The following EML5 variants were observed in gnomAD, a reference collection of about 807,000 sequenced individuals.
The protein encoded by EML5 is EMAP like 5, also known as echinoderm microtubule-associated protein-like 5.
In EML5, 120 loss-of-function variants were observed where a neutral mutation model predicts 250.0. That is an observed-to-expected ratio of 0.48 (90% CI 0.41 to 0.56). EML5 has a LOEUF of 0.56. EML5 is among the 20% of genes least tolerant of loss of function. The pLI is 0.00. For missense variants in EML5, 2,006 were observed against 2,437.6 expected (o/e 0.82, Z 3.73); for synonymous variants, 771 against 806.5 (o/e 0.96, Z 0.75).
intron 27 of EML5, among the ~76,000 whole-genome samples, chr14:88,654,856 T>A (rs1035560281): frequency 2.0e-5 from 3 of 152,100 alleles, no homozygotes; most frequent in Non-Finnish European, 4.4e-5. Flanking sequence ...GTCTCGTTGA[T>A]CTAATATTGA....
intron 27 of EML5, among the ~76,000 whole-genome samples, chr14:88,650,865 C>G (rs1371502343): frequency 6.6e-6 from 1 of 152,116 alleles, no homozygotes. Context: ...TGGTGCTAAA[C>G]ACCTAGTCTC....
chr14:88,695,587 A>C, intron 15 of EML5, 133 bp from the exon 16 acceptor site: 1 of 812,188 alleles, frequency 1.2e-6, no homozygotes, highest in Non-Finnish European at 1.9e-6. Flanking sequence ...GCATGCATAC[A>C]CCTATAAAAA....
At chr14:88,687,734 T>A (rs1325551497) in intron 18 of EML5, among the ~76,000 whole-genome samples, 1 of 151,328 alleles carries the variant, frequency 6.6e-6, no homozygotes, top group Non-Finnish European at 1.5e-5. Flanking sequence ...AGTATGAGCT[T>A]AAGAACATGA....
intron 10 of EML5, among the ~76,000 whole-genome samples, chr14:88,707,615 AG>A (rs1336097798): frequency 6.6e-6 from 1 of 152,158 alleles, no homozygotes; most frequent in Non-Finnish European, 1.5e-5. Flanking sequence ...GAAATTCTGG[AG>A]AAAAACTTTC....
At chr14:88,672,477 A>T (rs2092489148) in intron 21 of EML5, among the ~76,000 whole-genome samples, 1 of 152,172 alleles carries the variant, frequency 6.6e-6, no homozygotes, top group Non-Finnish European at 1.5e-5. Context: ...CTAATATCAC[A>T]ACTAAAAGAA....
At chr14:88,635,114 C>T (rs1271962272) in intron 32 of EML5, among the ~76,000 whole-genome samples, 1 of 151,970 alleles carries the variant, frequency 6.6e-6, no homozygotes, top group Non-Finnish European at 1.5e-5. Context: ...GGTAGAAATA[C>T]CTAATAACCA....
chr14:88,618,860 T>C, intron 39 of EML5, 48 bp from the exon 40 acceptor site: 1 of 1,496,376 alleles, frequency 6.7e-7, no homozygotes, highest in South Asian at 1.3e-5. Context: ...TGAAGTATTA[T>C]AAATACTTAA....
chr14:88,646,873 C>T, intron 29 of EML5, 74 bp downstream of exon 29: 1 of 1,461,840 alleles, frequency 6.8e-7, no homozygotes, highest in Non-Finnish European at 9.2e-7. Context: ...GTAACAGTAT[C>T]CCATTAATGC....
At chr14:88,696,755 A>G in intron 15 of EML5, 92 bp downstream of exon 15, 1 of 761,450 alleles carries the variant, frequency 1.3e-6, no homozygotes, top group South Asian at 2.6e-5. Flanking sequence ...TCACAGCTAA[A>G]TGACAAGCTT....
intron 1 of EML5, among the ~76,000 whole-genome samples, chr14:88,760,343 G>GTTGT (rs61035833): frequency 0.58 from 88,083 of 151,240 alleles, 26,415 homozygotes; most frequent in East Asian, 0.87. Context: ...GTAGGTTATA[G>GTTGT]TTGTTTGTTT....
At chr14:88,761,040 G>GT (rs1167479520) in intron 1 of EML5, among the ~76,000 whole-genome samples, 2 of 152,006 alleles carry the variant, frequency 1.3e-5, no homozygotes, top group African/African-American at 2.4e-5. Flanking sequence ...TAGGAGTAGT[G>GT]TTTTTTGTGT....
At chr14:88,684,018 T>G (rs1296870851) in intron 20 of EML5, among the ~76,000 whole-genome samples, 1 of 151,950 alleles carries the variant, frequency 6.6e-6, no homozygotes, top group African/African-American at 2.4e-5. Context: ...GAAGTAAAAC[T>G]ATGTGTATTT....
chr14:88,675,240 T>C (rs2092566788), intron 21 of EML5, among the ~76,000 whole-genome samples: 1 of 152,236 alleles, frequency 6.6e-6, no homozygotes. Context: ...TGCACTGCCC[T>C]AGCAGAGGTT....
Position 88,612,765 on chromosome 14 carries a change from G to A in EML5, c.*3053C>T, listed in dbSNP as rs2086973216. On this transcript the variant is annotated 3_prime_UTR_variant, in exon 44 of 44. Coordinates refer to ENST00000554922, the MANE Select transcript of EML5 (RefSeq NM_183387.3). ...CAAGATAGATAGGATGAAACTTTTGGCCTACTGTATTACTTACAGAGTTTT... is the reference window on the plus strand; with the variant it reads ...CAAGATAGATAGGATGAAACTTTTGACCTACTGTATTACTTACAGAGTTTT... The A allele has an allele frequency of 6.6e-6, 1 of 152,460 alleles. No homozygotes were observed. 9.4% of individuals were successfully genotyped at this position (152,460 alleles called of 1,614,324 possible). A position where few individuals can be genotyped will look rare whatever the true frequency, so the allele number is the denominator to read the frequency against.
chr14:88,628,026 G>C (rs2140431132), intron 33 of EML5: 1 of 619,266 alleles, frequency 1.6e-6, no homozygotes, highest in South Asian at 1.7e-5. Context: ...AAAATATATA[G>C]AACACTTCTT....
rs913751097 is a variant in EML5, at chr14:88,614,800, G to A, written c.*1018C>T. ...TCTAACTGACAAGTTTTTACAAATG[G>A]AGTTGGGCTCATTCATTTTGGAAAT... On this transcript the variant is annotated 3_prime_UTR_variant, in exon 44 of 44. Coordinates refer to ENST00000554922, the MANE Select transcript of EML5 (RefSeq NM_183387.3). 1 of 152,066 alleles carries A rather than the reference G, an allele frequency of 6.6e-6. No homozygotes were observed. The highest frequency in any genetic ancestry group is 1.5e-5 in the Non-Finnish European group (1 of 68,000). The allele number at this position is 152,066 out of a possible 1,614,324, so 9.4% of individuals were successfully genotyped here.
At chr14:88,687,464 A>C (rs2092859916) in intron 18 of EML5, 137 bp from the exon 19 acceptor site, 4 of 613,060 alleles carry the variant, frequency 6.5e-6, no homozygotes, top group African/African-American at 1.9e-5. Context: ...GAATTAGCTT[A>C]AGAATCCATT....
At chr14:88,647,733 C>G (rs1319662976) in intron 28 of EML5, among the ~76,000 whole-genome samples, 1 of 111,070 alleles carries the variant, frequency 9.0e-6, no homozygotes, top group East Asian at 2.6e-4. Flanking sequence ...TAATTAATAA[C>G]AGGGAATCAC....
rs370993837 is a variant in EML5 at position 88,616,908 on chromosome 14, T to A, written c.5643-29A>T. On this transcript the variant is annotated intron_variant, in intron 41 of 43. Transcript: ENST00000554922. ...GAGGGAAGGAACAAAAGAAAACTCA[T>A]CATGGCAAGTGCGGGCAGGTTGACT... 1.3e-5 allele frequency: 21 copies of A among 1,609,396 alleles called. No individual in the cohort carries two copies. The African/African-American group carries it at 2.7e-4, about 20-fold the overall frequency.
Sources: allele counts gnomAD v4.1 joint callset (sites outside exome capture counted in the v4.1 genomes callset), GRCh38; gene constraint gnomAD v4.1.1; transcripts MANE v1.5; gene names NCBI Gene and HGNC (gene_info 2026-07-23, HGNC 2026-07-21).